The following RHCE variants were observed in gnomAD, a reference collection of about 807,000 sequenced individuals.
RHCE encodes the protein Rh blood group CcEe antigens, also known as blood group Rh(CE) polypeptide.
Under a neutral mutation model 43.8 loss-of-function variants are expected in RHCE, and 22 were observed. The observed-to-expected ratio is 0.50, with a 90% confidence interval of 0.36 to 0.72. The LOEUF (loss-of-function observed/expected upper bound fraction) is 0.72, where lower values mean the gene tolerates loss of function less well. Ranked by LOEUF, RHCE falls within the 30% of genes least tolerant of loss-of-function variation. The pLI is 0.00. For synonymous variants in RHCE, 156 were observed against 210.7 expected (o/e 0.74, Z 2.25); for missense variants, 385 against 525.4 (o/e 0.73, Z 2.61).
At chr1:25,376,056 G>A (rs1020218561) in intron 7 of RHCE, among the ~76,000 whole-genome samples, 10 of 152,144 alleles carry the variant, frequency 6.6e-5, no homozygotes, top group Admixed American at 5.2e-4. Flanking sequence ...CTCCCAAATT[G>A]CTGGGATTAC....
intron 1 of RHCE, among the ~76,000 whole-genome samples, chr1:25,416,826 G>GC (rs1553161324): frequency 2.7e-5 from 4 of 148,168 alleles, no homozygotes; most frequent in Non-Finnish European, 6.0e-5. Context: ...TGGCGGGGGG[G>GC]GGTCTCCCTA....
intron 6 of RHCE, among the ~76,000 whole-genome samples, chr1:25,388,097 C>T (rs1424558915): frequency 1.3e-5 from 2 of 150,978 alleles, no homozygotes; most frequent in African/African-American, 2.4e-5. Flanking sequence ...TGAGCCACTG[C>T]GCCCAGCCAG....
At chr1:25,430,160 C>G (rs908568338) in exon 1 of RHCE, 1 of 151,978 alleles carries the variant, frequency 6.6e-6, no homozygotes, top group African/African-American at 2.4e-5. Flanking sequence ...GGACGTGGAG[C>G]CCGGGCCGCA....
At chr1:25,420,586 C>A in intron 1 of RHCE, 53 bp downstream of exon 1, 2 of 1,613,838 alleles carry the variant, frequency 1.2e-6, no homozygotes, top group Non-Finnish European at 1.7e-6. Context: ...AGGCCTCCCC[C>A]GCCCCTGCCC....
At chr1:25,391,966 G>A in intron 4 of RHCE, 28 bp downstream of exon 4, 1 of 1,612,930 alleles carries the variant, frequency 6.2e-7, no homozygotes, top group Non-Finnish European at 8.5e-7. Context: ...GCCCAAGTAT[G>A]AGACCACTCA....
At position 25,385,872 on chromosome 1, in the gene RHCE, T is replaced by C. The variant is rs774496300; in HGVS notation, c.940-28A>G. The C allele has an allele frequency of 4.3e-6, 7 of 1,613,872 alleles. No individual in the cohort carries two copies. In the East Asian group the frequency reaches 1.1e-4, roughly 26 times the overall value. On this transcript the variant is annotated intron_variant, in intron 6 of 9. Coordinates refer to ENST00000294413, the MANE Select transcript of RHCE (RefSeq NM_020485.8). ...GTGGACAAGTGTTATTATAAGCAGA[T>C]TGGCAGGTGAGACCCATATTCCCTA...
rs1132765 is a variant in RHCE, at chr1:25,388,999, T to C, written c.916A>G (p.Ile306Val). Residue 306 changes from isoleucine to valine, a missense_variant, in exon 6 of 10, where the codon ATC becomes GTC. By Grantham distance (29) the Ile-to-Val change is conservative (BLOSUM62 3). Transcript: ENST00000294413. ...ACCGGCAGGCACTTGGCTCCCCCGA[T>C]GGAGATCAGCCCAGCCACAAGACCC... The part of the protein sequence containing the change: ...VLGLVAGLIS[I>V]GGAKCLPVCC... The C allele has an allele frequency of 4.4e-4, 706 of 1,614,034 alleles. 3 individuals are homozygous for C. The African/African-American group carries it at 6.1e-3, about 14-fold the overall frequency.
At chr1:25,419,167 T>C (rs2042691504) in intron 1 of RHCE, among the ~76,000 whole-genome samples, 1 of 152,176 alleles carries the variant, frequency 6.6e-6, no homozygotes, top group Non-Finnish European at 1.5e-5. Flanking sequence ...ATTGGGTTAT[T>C]GTGAGGGTTC....
At chr1:25,401,810 T>C (rs752361541) in intron 3 of RHCE, among the ~76,000 whole-genome samples, 1 of 152,244 alleles carries the variant, frequency 6.6e-6, no homozygotes, top group Non-Finnish European at 1.5e-5. Flanking sequence ...TTTAAACATT[T>C]GCACAGACCA....
At position 25,362,358 on chromosome 1, in the gene RHCE, CTA is replaced by C; in HGVS notation, c.*167_*168del. 1 of 1,464,414 alleles carries C rather than the reference CTA, an allele frequency of 6.8e-7. No individual in the cohort carries two copies. The highest frequency in any genetic ancestry group is 9.3e-7 in the Non-Finnish European group (1 of 1,074,890). 90.7% of individuals were successfully genotyped at this position (1,464,414 alleles called of 1,614,324 possible). On this transcript the variant is annotated 3_prime_UTR_variant, in exon 10 of 10. Coordinates refer to ENST00000294413, the MANE Select transcript of RHCE (RefSeq NM_020485.8). Reference sequence around the variant, plus strand: ...TAAACTTATTAAATTGACTCTTAAACTAAGTTTTTAGTCTTTAATTTTTTAAT... The same window carrying C: ...TAAACTTATTAAATTGACTCTTAAACAGTTTTTAGTCTTTAATTTTTTAAT...
At chr1:25,396,600 T>C (rs2124451032) in intron 3 of RHCE, among the ~76,000 whole-genome samples, 1 of 152,190 alleles carries the variant, frequency 6.6e-6, no homozygotes, top group South Asian at 2.1e-4. Flanking sequence ...GCAAGGCACA[T>C]CTTACGTGGT....
chr1:25,417,013 A>C (rs1051691908), intron 1 of RHCE, among the ~76,000 whole-genome samples: 30 of 151,802 alleles, frequency 2.0e-4, no homozygotes, highest in African/African-American at 7.2e-4. Flanking sequence ...CCAAACTCTG[A>C]TGATTGTCAC....
At chr1:25,388,246 G>A (rs957274230) in intron 6 of RHCE, among the ~76,000 whole-genome samples, 2 of 134,820 alleles carry the variant, frequency 1.5e-5, no homozygotes, top group African/African-American at 5.6e-5. Flanking sequence ...ATTTCTCTTA[G>A]AGAAGCACAT....
chr1:25,400,225 G>A (rs1386197668), intron 3 of RHCE, among the ~76,000 whole-genome samples: 2 of 152,200 alleles, frequency 1.3e-5, no homozygotes, highest in Admixed American at 6.5e-5. Context: ...CCTGCATGCT[G>A]TCTCCACTTT....
intron 7 of RHCE, among the ~76,000 whole-genome samples, chr1:25,384,922 G>A (rs1204394232): frequency 6.6e-6 from 1 of 152,206 alleles, no homozygotes; most frequent in African/African-American, 2.4e-5. Flanking sequence ...TTTTAAAGCA[G>A]TCAATAACAG....
At chr1:25,376,644 G>A (rs1172829101) in intron 7 of RHCE, among the ~76,000 whole-genome samples, 1 of 152,202 alleles carries the variant, frequency 6.6e-6, no homozygotes, top group Non-Finnish European at 1.5e-5. Context: ...GCCGGGTGTG[G>A]TGGCTCACAC....
upstream of RHCE, among the ~76,000 whole-genome samples, chr1:25,422,895 T>C (rs1277544527): frequency 6.6e-6 from 1 of 152,140 alleles, no homozygotes; most frequent in Admixed American, 6.5e-5. Flanking sequence ...CGGTTCCCAA[T>C]AGGGTTTGTG....
At chr1:25,403,772 TTAA>T (rs1571898125) in intron 2 of RHCE, among the ~76,000 whole-genome samples, 1 of 151,186 alleles carries the variant, frequency 6.6e-6, no homozygotes, top group Non-Finnish European at 1.5e-5. Flanking sequence ...CCTCTGGGAG[TTAA>T]TGATGATGAT....
intron 3 of RHCE, among the ~76,000 whole-genome samples, chr1:25,400,712 C>T (rs1207075708): frequency 1.3e-5 from 2 of 151,710 alleles, no homozygotes; most frequent in Admixed American, 1.3e-4. Context: ...TCTCTACCCG[C>T]CCCAACCTTA....
Sources: allele counts gnomAD v4.1 joint callset (sites outside exome capture counted in the v4.1 genomes callset), GRCh38; gene constraint gnomAD v4.1.1; transcripts MANE v1.5; gene names NCBI Gene and HGNC (gene_info 2026-07-23, HGNC 2026-07-21).